HDDC2: variants seen among roughly 807,000 people sequenced by gnomAD.
The protein encoded by HDDC2 is 5'-deoxynucleotidase HDDC2.
Under a neutral mutation model 25.5 loss-of-function variants are expected in HDDC2, and 25 were observed. The ratio of observed to expected loss-of-function variants is 0.98; its 90% CI spans 0.72 to 1.37. The LOEUF is 1.37. Among genes scored for constraint, HDDC2 ranks in the 40% most tolerant of loss-of-function variants. HDDC2 has a pLI of 0.00. For missense variants in HDDC2, 264 were observed against 253.1 expected, an observed-to-expected ratio of 1.04 and a Z score of -0.29; for synonymous variants, 106 against 89.7, an observed-to-expected ratio of 1.18 and a Z score of -1.03.
chr6:125,280,173 G>A (rs930648124), intron 4 of HDDC2, among the ~76,000 whole-genome samples: 3 of 152,170 alleles, frequency 2.0e-5, no homozygotes, highest in African/African-American at 7.2e-5. Flanking sequence ...TGGAACTCAT[G>A]AGGGACTGTG....
At chr6:125,288,392 G>A (rs1798576230) in intron 4 of HDDC2, among the ~76,000 whole-genome samples, 1 of 152,188 alleles carries the variant, frequency 6.6e-6, no homozygotes, top group South Asian at 2.1e-4. Context: ...CCACGGCACA[G>A]AGTCTCTGAA....
At chr6:125,276,808 T>C (rs1201877112) in intron 5 of HDDC2, 1 of 384,112 alleles carries the variant, frequency 2.6e-6, no homozygotes, top group Non-Finnish European at 4.7e-6. Flanking sequence ...CTCTAAGCTA[T>C]TGTATGTCCA....
At chr6:125,298,996 T>G (rs1268285261) in intron 2 of HDDC2, among the ~76,000 whole-genome samples, 180 bp from the exon 3 acceptor site, 1 of 152,226 alleles carries the variant, frequency 6.6e-6, no homozygotes, top group Non-Finnish European at 1.5e-5. Context: ...TGATCAAAAC[T>G]GTTAGTTCAT....
chr6:125,277,425 C>CCTG, intron 4 of HDDC2, 185 bp from the exon 5 acceptor site: 2 of 562,966 alleles, frequency 3.6e-6, no homozygotes, highest in South Asian at 2.5e-5. Flanking sequence ...AACACCAGGA[C>CCTG]TCTATACAAG....
At chr6:125,297,431 G>C (rs1798720728) in intron 3 of HDDC2, 7 of 395,890 alleles carry the variant, frequency 1.8e-5, no homozygotes, top group Non-Finnish European at 2.2e-5. Context: ...TACACTTTTG[G>C]GTAGGTTGGA....
At position 125,283,703 on chromosome 6, in the gene HDDC2, T is replaced by C. The variant is rs920176648; in HGVS notation, c.379-6463A>G. Among the ~76,000 whole-genome samples, 20 of 152,170 alleles carry C rather than the reference T, an allele frequency of 1.3e-4. No individual in the cohort carries two copies. In the South Asian group the frequency reaches 1.4e-3, roughly 11 times the overall value. Reference sequence around the variant, plus strand: ...TGGAAAAACATTCCATGCTCATAGATAGGAAGAATCAATATCGTGAAAATG... The same window carrying C: ...TGGAAAAACATTCCATGCTCATAGACAGGAAGAATCAATATCGTGAAAATG... On this transcript the variant is annotated intron_variant, in intron 4 of 5. Transcript: ENST00000398153.
At chr6:125,276,294 T>C in intron 5 of HDDC2, 51 bp from the exon 6 acceptor site, 1 of 1,338,518 alleles carries the variant, frequency 7.5e-7, no homozygotes, top group Non-Finnish European at 1.1e-6. Context: ...GACAAGAGAG[T>C]ATATTCATTT....
chr6:125,280,548 T>C (rs897964068), intron 4 of HDDC2, among the ~76,000 whole-genome samples: 5 of 152,170 alleles, frequency 3.3e-5, no homozygotes, highest in Non-Finnish European at 5.9e-5. Context: ...TCGAGCTTGG[T>C]AGGGGGAGGG....
intron 2 of HDDC2, among the ~76,000 whole-genome samples, chr6:125,299,898 C>T (rs142083468): frequency 2.0e-5 from 3 of 152,280 alleles, no homozygotes; most frequent in African/African-American, 7.2e-5. Flanking sequence ...TACGTTAACC[C>T]TTTTGAGCTC....
At chr6:125,301,724 A>G (rs1328988557) in intron 1 of HDDC2, 125 bp downstream of exon 1, 1 of 662,820 alleles carries the variant, frequency 1.5e-6, no homozygotes, top group East Asian at 3.3e-5. Context: ...GCCTTTCCGG[A>G]ATTCGGCGTG....
chr6:125,276,330 G>T, intron 5 of HDDC2, 87 bp from the exon 6 acceptor site: 1 of 958,688 alleles, frequency 1.0e-6, no homozygotes. Flanking sequence ...AGGGTTCACT[G>T]GGGGCTCTAG....
At chr6:125,287,661 A>G (rs1053737372) in intron 4 of HDDC2, among the ~76,000 whole-genome samples, 13 of 152,324 alleles carry the variant, frequency 8.5e-5, no homozygotes, top group South Asian at 2.1e-4. Context: ...CAATCAGCAC[A>G]TGATCGCTGA....
chr6:125,280,907 TG>T (rs1798448834), intron 4 of HDDC2, among the ~76,000 whole-genome samples: 1 of 152,216 alleles, frequency 6.6e-6, no homozygotes, highest in Admixed American at 6.5e-5. Flanking sequence ...GCTTCCTGAC[TG>T]GGAGACACCT....
At chr6:125,300,057 C>T (rs2115119422) in intron 2 of HDDC2, among the ~76,000 whole-genome samples, 1 of 152,328 alleles carries the variant, frequency 6.6e-6, no homozygotes, top group East Asian at 1.9e-4. Context: ...GATTTATTTA[C>T]TCTCTTACAT....
At chr6:125,281,814 G>C (rs1798461688) in intron 4 of HDDC2, among the ~76,000 whole-genome samples, 1 of 152,170 alleles carries the variant, frequency 6.6e-6, no homozygotes, top group Non-Finnish European at 1.5e-5. Context: ...AACCTAGCAA[G>C]ATAGGCCAGC....
rs1267438735 is a variant in HDDC2, at chr6:125,276,190, T to C, written c.571A>G (p.Arg191Gly). ...VQLVSELEAE[R>G]STNIAAAASE... ...GCAGCTGCAGCTATGTTAGTGCTTCTTTCTGCCTCAAGTTCAGAAACAAGC... is the reference window on the plus strand; with the variant it reads ...GCAGCTGCAGCTATGTTAGTGCTTCCTTCTGCCTCAAGTTCAGAAACAAGC... Residue 191 changes from arginine to glycine, a missense_variant, in exon 6 of 6, where the codon AGA becomes GGA. By Grantham distance (125) the Arg-to-Gly change is moderately radical. Coordinates refer to ENST00000398153, the MANE Select transcript of HDDC2 (RefSeq NM_016063.3). 5.0e-6 allele frequency: 8 copies of C among 1,614,102 alleles called. No homozygotes were observed. In the African/African-American group the frequency reaches 6.7e-5, roughly 13 times the overall value.
At chr6:125,295,118 C>T (rs1412684852) in intron 3 of HDDC2, among the ~76,000 whole-genome samples, 2 of 152,164 alleles carry the variant, frequency 1.3e-5, no homozygotes, top group African/African-American at 4.8e-5. Context: ...GTCCAGGGTA[C>T]ACAGCTGAGT....
chr6:125,301,965 C>G lies in HDDC2; in HGVS notation c.-33G>C, dbSNP rs1435708929. The G allele has an allele frequency of 1.3e-6, 2 of 1,514,996 alleles. No homozygotes were observed. Among genetic ancestry groups the G allele is most frequent in the East Asian group, 4.9e-5 (2 of 40,490 alleles). The allele number at this position is 1,514,996 out of a possible 1,614,324, so 93.8% of individuals were successfully genotyped here. On this transcript the variant is annotated 5_prime_UTR_variant, in exon 1 of 6. Coordinates refer to ENST00000398153, the MANE Select transcript of HDDC2 (RefSeq NM_016063.3). Reference sequence around the variant, plus strand: ...CCGACCCCGGCTGGGCGGAGCAGGCCGCGGCGAAGCTCCTCCCCGTCCTCC... The same window carrying G: ...CCGACCCCGGCTGGGCGGAGCAGGCGGCGGCGAAGCTCCTCCCCGTCCTCC...
intron 4 of HDDC2, among the ~76,000 whole-genome samples, chr6:125,280,585 G>A (rs1007553156): frequency 2.6e-5 from 4 of 152,228 alleles, no homozygotes; most frequent in Non-Finnish European, 5.9e-5. Flanking sequence ...AGGCTTGAGT[G>A]TAAACAAAGC....
Sources: allele counts gnomAD v4.1 joint callset (sites outside exome capture counted in the v4.1 genomes callset), GRCh38; gene constraint gnomAD v4.1.1; transcripts MANE v1.5; gene names NCBI Gene and HGNC (gene_info 2026-07-23, HGNC 2026-07-21).